Variants in CFAP47 observed in about 807,000 individuals in gnomAD.
CFAP47 encodes cilia- and flagella-associated protein 47.
Under a neutral mutation model 148.1 loss-of-function variants are expected in CFAP47, and 29 were observed. The ratio of observed to expected loss-of-function variants is 0.20; its 90% confidence interval spans 0.15 to 0.27. The LOEUF (loss-of-function observed/expected upper bound fraction) is 0.27. Among genes scored for constraint, CFAP47 ranks in the 10% least tolerant of loss-of-function variants. The probability of loss-of-function intolerance (pLI) is 1.00; values close to 1 mark genes in which losing one functional copy is unlikely to be tolerated. For missense variants in CFAP47, 1,872 were observed against 1,697.5 expected, an observed-to-expected ratio of 1.10 and a Z score of -1.81; for synonymous variants, 664 against 577.3, an observed-to-expected ratio of 1.15 and a Z score of -2.15.
chrX:35,989,591 G>C, intron 16 of CFAP47, 142 bp downstream of exon 16: 1 of 1,138,461 alleles, frequency 8.8e-7, no homozygotes, highest in Non-Finnish European at 1.2e-6. Context: ...TTTTGTTAGA[G>C]CCTCTATAAA....
intron 56 of CFAP47, among the ~76,000 whole-genome samples, chrX:36,318,787 G>T (rs1195925924): frequency 2.7e-5 from 3 of 110,146 alleles, no homozygotes; most frequent in Non-Finnish European, 5.7e-5. Context: ...ATATCTACTT[G>T]TTGAGTATTT....
At chrX:35,952,045 A>G (rs1936174691) in intron 6 of CFAP47, 82 bp downstream of exon 6, 1 of 998,093 alleles carries the variant, frequency 1.0e-6, no homozygotes. Flanking sequence ...TCACTTTAAT[A>G]CTATAATAGT....
chrX:36,220,243 A>C (rs782011809), intron 45 of CFAP47, among the ~76,000 whole-genome samples: 2 of 111,220 alleles, frequency 1.8e-5, no homozygotes, highest in Non-Finnish European at 3.8e-5. Flanking sequence ...ATGAAACGTA[A>C]ATGAATTTCC....
At chrX:36,068,038 A>T (rs997446414) in intron 27 of CFAP47, among the ~76,000 whole-genome samples, 1 of 111,950 alleles carries the variant, frequency 8.9e-6, no homozygotes, top group Non-Finnish European at 1.9e-5. Context: ...AGGTGGATGA[A>T]GCCTACAAGA....
chrX:36,381,198 TC>T (rs199548835), intron 63 of CFAP47, among the ~76,000 whole-genome samples: 1,906 of 111,517 alleles, frequency 0.017, 42 homozygotes, highest in African/African-American at 0.059. Context: ...TATGGCCAAT[TC>T]TGCTTCACCT....
At chrX:36,226,899 A>G (rs782737773) in intron 45 of CFAP47, among the ~76,000 whole-genome samples, 1 of 111,920 alleles carries the variant, frequency 8.9e-6, no homozygotes, top group African/African-American at 3.2e-5. Flanking sequence ...GATATTCTGC[A>G]ATTCTTAAAA....
At chrX:36,002,270 C>T (rs1936923987) in intron 21 of CFAP47, among the ~76,000 whole-genome samples, 1 of 111,348 alleles carries the variant, frequency 9.0e-6, no homozygotes, top group South Asian at 3.9e-4. Flanking sequence ...GATTCTCTAA[C>T]AGAAGTGCCC....
intron 49 of CFAP47, among the ~76,000 whole-genome samples, chrX:36,261,573 C>T (rs1195989501): frequency 9.3e-6 from 1 of 107,977 alleles, no homozygotes; most frequent in Non-Finnish European, 1.9e-5. Context: ...CAAAGCACAT[C>T]TTGCACCGCC....
intron 4 of CFAP47, among the ~76,000 whole-genome samples, chrX:35,949,979 T>C (rs1471908118): frequency 9.0e-6 from 1 of 111,598 alleles, no homozygotes; most frequent in African/African-American, 3.3e-5. Context: ...AGAATAACTT[T>C]GAGAAGGAGA....
chrX:35,932,233 TTTTTC>T (rs991951076), intron 2 of CFAP47, among the ~76,000 whole-genome samples: 3 of 108,120 alleles, frequency 2.8e-5, no homozygotes, highest in East Asian at 2.9e-4. Context: ...TTTCTTTCTT[TTTTTC>T]TTTTCTTTTC....
At chrX:35,942,535 A>G (rs1203212635) in intron 3 of CFAP47, among the ~76,000 whole-genome samples, 1 of 111,522 alleles carries the variant, frequency 9.0e-6, no homozygotes, top group Non-Finnish European at 1.9e-5. Flanking sequence ...GATATGGGCA[A>G]TATGATCCTT....
intron 1 of CFAP47, among the ~76,000 whole-genome samples, chrX:35,923,922 CAT>C (rs746413856): frequency 0.012 from 796 of 64,169 alleles, 8 homozygotes; most frequent in Non-Finnish European, 0.015. Context: ...TATATATGTA[CAT>C]ATATATGTGT....
chrX:36,013,530 C>A (rs1163259924), intron 21 of CFAP47, among the ~76,000 whole-genome samples: 1 of 111,593 alleles, frequency 9.0e-6, no homozygotes, highest in Non-Finnish European at 1.9e-5. Context: ...TGTACATTTT[C>A]TTGTGTGTAT....
chrX:36,325,976 A>G (rs1941514672), intron 57 of CFAP47, among the ~76,000 whole-genome samples: 1 of 111,392 alleles, frequency 9.0e-6, no homozygotes, highest in Non-Finnish European at 1.9e-5. Context: ...TAGGACTCAA[A>G]GTTCCATTTA....
chrX:36,239,774 G>A (rs1555995647), intron 48 of CFAP47, among the ~76,000 whole-genome samples: 2 of 111,542 alleles, frequency 1.8e-5, no homozygotes, highest in East Asian at 2.8e-4. Context: ...CAAGCAGGCC[G>A]CACGGATGTT....
At chrX:35,935,451 G>C (rs1400870837) in intron 2 of CFAP47, among the ~76,000 whole-genome samples, 1 of 111,632 alleles carries the variant, frequency 9.0e-6, no homozygotes, top group Non-Finnish European at 1.9e-5. Flanking sequence ...GGGTTGGGGA[G>C]GGTTGACAGA....
At chrX:36,004,592 CTAA>C (rs1302580238) in intron 21 of CFAP47, among the ~76,000 whole-genome samples, 40 of 109,514 alleles carry the variant, frequency 3.7e-4, no homozygotes, top group African/African-American at 1.3e-3. Flanking sequence ...GAACAAATTG[CTAA>C]TATGTCCTGC....
At position 36,103,501 on chromosome X, in the gene CFAP47, G is replaced by GAAAAAAAAAA. The variant is rs61501194; in HGVS notation, c.5128-979_5128-970dup. On this transcript the variant is annotated intron_variant, in intron 32 of 63. Coordinates refer to ENST00000378653, the MANE Select transcript of CFAP47 (RefSeq NM_001304548.2). ...GAGCTGAGTGTGCTCTCATATGCCAGAAAAAAAAAAAAAAAAAAAAAAAAA... is the reference window on the plus strand; with the variant it reads ...GAGCTGAGTGTGCTCTCATATGCCAGAAAAAAAAAAAAAAAAAAAAAAAAAAAAAAAAAAA... Among the ~76,000 whole-genome samples the GAAAAAAAAAA allele has an allele frequency of 1.3e-4, 2 of 15,056 alleles. 1 individual carries two copies. Among genetic ancestry groups the GAAAAAAAAAA allele is most frequent in the African/African-American group, 4.8e-4 (2 of 4,199 alleles). The allele number at this position is 15,056 out of a possible 115,157, so 13.1% of individuals were successfully genotyped here. A position where few individuals can be genotyped will look rare whatever the true frequency, so the allele number is the denominator to read the frequency against.
intron 61 of CFAP47, among the ~76,000 whole-genome samples, chrX:36,364,588 G>A (rs782055474): frequency 1.8e-5 from 2 of 109,651 alleles, no homozygotes; most frequent in African/African-American, 6.6e-5. Flanking sequence ...GTTGGAAAGA[G>A]CATTTGAGCC....
Sources: gnomAD v4.1 joint callset for allele counts (sites outside exome capture counted in the v4.1 genomes callset) on GRCh38, gnomAD v4.1.1 for gene constraint, MANE v1.5 for transcripts, NCBI Gene and HGNC (gene_info 2026-07-23, HGNC 2026-07-21) for gene names.